ORC6: variants seen among roughly 807,000 people sequenced by gnomAD.
ORC6 encodes origin recognition complex subunit 6, also known as origin recognition complex, subunit 6 homolog-like (yeast).
A neutral mutation model predicts 30.0 loss-of-function variants in ORC6; 31 were observed. The observed-to-expected ratio is 1.03, with a 90% CI of 0.78 to 1.40. ORC6 has a LOEUF of 1.40. ORC6 is among the 40% of genes most tolerant of loss of function. The probability of loss-of-function intolerance (pLI) is 0.00; values close to 1 mark genes in which losing one functional copy is unlikely to be tolerated. For synonymous variants in ORC6, 136 were observed against 111.2 expected (o/e 1.22, Z -1.40); for missense variants, 340 against 304.3 (o/e 1.12, Z -0.87).
intron 4 of ORC6, 42 bp downstream of exon 4, chr16:46,693,224 A>G (rs1290272989): frequency 1.5e-6 from 2 of 1,336,288 alleles, no homozygotes; most frequent in Admixed American, 1.7e-5. Flanking sequence ...ACCAATTTAC[A>G]AGTGGGTTTT....
At chr16:46,695,827 A>T (rs2143011039) in intron 5 of ORC6, 153 bp downstream of exon 5, 1 of 752,748 alleles carries the variant, frequency 1.3e-6, no homozygotes, top group East Asian at 2.7e-5. Flanking sequence ...CTAACCTATG[A>T]TTCCATGAAT....
chr16:46,692,761 G>A (rs1317592125), intron 3 of ORC6, among the ~76,000 whole-genome samples: 17 of 152,136 alleles, frequency 1.1e-4, no homozygotes, highest in Non-Finnish European at 2.1e-4. Context: ...CCAGCTACTC[G>A]GGAGGCTGTG....
Position 46,693,084 on chromosome 16 carries a change from C to T in ORC6, c.360-9C>T, listed in dbSNP as rs1419926421. The T allele has an allele frequency of 1.9e-6, 3 of 1,567,718 alleles. No individual in the cohort carries two copies. Among genetic ancestry groups the T allele is most frequent in the Admixed American group, 1.7e-5 (1 of 59,964 alleles). On this transcript the variant is annotated splice_polypyrimidine_tract_variant and intron_variant, in intron 3 of 6. Transcript: ENST00000219097. Reference sequence around the variant, plus strand: ...CTAACAGATAATTCTGCAATAACTTCTCCTTTAGCTATGAGTCCAGTCTTC... The same window carrying T: ...CTAACAGATAATTCTGCAATAACTTTTCCTTTAGCTATGAGTCCAGTCTTC...
chr16:46,696,155 C>G, intron 6 of ORC6, 70 bp downstream of exon 6: 1 of 1,106,176 alleles, frequency 9.0e-7, no homozygotes, highest in Non-Finnish European at 1.4e-6. Context: ...GCTCTAGCAG[C>G]TTGCCTGACA....
In ORC6 at chr16:46,697,743, G is replaced by C; in HGVS notation, c.*158G>C. 1.3e-6 allele frequency: 1 copy of C among 794,176 alleles called. No homozygotes were observed. The highest frequency in any genetic ancestry group is 2.2e-6 in the Non-Finnish European group (1 of 464,798). The allele number at this position is 794,176 out of a possible 1,614,324, so 49.2% of individuals were successfully genotyped here. A position where few individuals can be genotyped will look rare whatever the true frequency, so the allele number is the denominator to read the frequency against. On this transcript the variant is annotated 3_prime_UTR_variant, in exon 7 of 7. Transcript: ENST00000219097. ...CAGCCTACCTGGAGGCTAAGTCTGG[G>C]CAGTGGGCTGGCCCCTGGTGTGAGC...
Position 46,692,551 on chromosome 16 carries a change from G to A in ORC6, c.359+6G>A, listed in dbSNP as rs751458368. 2 of 1,611,434 alleles carry A rather than the reference G, an allele frequency of 1.2e-6. No individual in the cohort carries two copies. The highest frequency in any genetic ancestry group is 1.7e-6 in the Non-Finnish European group (2 of 1,178,038). On this transcript the variant is annotated splice_donor_region_variant and intron_variant, in intron 3 of 6. Transcript: ENST00000219097. ...GCTTCAAAGATACTAAAAAGGTATG[G>A]GGCATAGAGAACCTTAATTGAAAAT... is the stretch of plus-strand genomic sequence containing the variant.
chr16:46,691,224 T>C (rs1039505284), intron 2 of ORC6, 104 bp downstream of exon 2: 2 of 1,040,214 alleles, frequency 1.9e-6, no homozygotes, highest in African/African-American at 3.2e-5. Flanking sequence ...TTTAGAATTG[T>C]CCTGGGTATT....
At chr16:46,697,318 CAAAAA>C in intron 6 of ORC6, 135 bp from the exon 7 acceptor site, 1 of 761,474 alleles carries the variant, frequency 1.3e-6, no homozygotes, top group Non-Finnish European at 2.1e-6. Flanking sequence ...GACCCCATCT[CAAAAA>C]AAAGTGATAA....
chr16:46,694,982 CTTCAA>C (rs1966503204), intron 4 of ORC6: 1 of 156,166 alleles, frequency 6.4e-6, no homozygotes, highest in Non-Finnish European at 1.4e-5. Flanking sequence ...GAAAACATCT[CTTCAA>C]TTCAACAAAA....
At chr16:46,689,803 T>G in intron 1 of ORC6, 33 bp downstream of exon 1, 3 of 1,560,718 alleles carry the variant, frequency 1.9e-6, no homozygotes, top group Non-Finnish European at 2.6e-6. Context: ...AGGGCTGGGC[T>G]TCCGCCTCGC....
intron 3 of ORC6, 64 bp downstream of exon 3, chr16:46,692,609 C>A (rs1200795495): frequency 4.3e-5 from 62 of 1,451,946 alleles, no homozygotes; most frequent in Non-Finnish European, 1.6e-5. Context: ...GTGGCTCACG[C>A]CTGTAATCCC....
chr16:46,692,201 A>G (rs1966453280), intron 2 of ORC6, among the ~76,000 whole-genome samples, 181 bp from the exon 3 acceptor site: 1 of 152,176 alleles, frequency 6.6e-6, no homozygotes, highest in African/African-American at 2.4e-5. Context: ...TGAAAGCAGT[A>G]CTTCCTCAGC....
In ORC6 at chr16:46,692,555, A is replaced by G; in HGVS notation, c.359+10A>G. 1 of 1,610,858 alleles carries G rather than the reference A, an allele frequency of 6.2e-7. No homozygotes were observed. On this transcript the variant is annotated intron_variant, in intron 3 of 6. Transcript: ENST00000219097. Reference sequence around the variant, plus strand: ...CAAAGATACTAAAAAGGTATGGGGCATAGAGAACCTTAATTGAAAATGTAT... The same window carrying G: ...CAAAGATACTAAAAAGGTATGGGGCGTAGAGAACCTTAATTGAAAATGTAT...
intron 4 of ORC6, chr16:46,695,318 A>T (rs889035397): frequency 1.6e-5 from 8 of 488,896 alleles, no homozygotes; most frequent in Non-Finnish European, 2.9e-5. Flanking sequence ...GTCATGAAGC[A>T]CTACAGCAAA....
At chr16:46,694,723 G>C (rs148684397) in intron 4 of ORC6, among the ~76,000 whole-genome samples, 53 of 151,404 alleles carry the variant, frequency 3.5e-4, no homozygotes, top group African/African-American at 1.1e-3. Context: ...ACATTTTAGT[G>C]ATAAATTATC....
chr16:46,690,217 C>G (rs1241173892), intron 1 of ORC6, among the ~76,000 whole-genome samples: 1 of 152,174 alleles, frequency 6.6e-6, no homozygotes, highest in African/African-American at 2.4e-5. Context: ...CACAAAGAAA[C>G]AAACAAAACT....
At chr16:46,691,794 T>C (rs2143010418) in intron 2 of ORC6, among the ~76,000 whole-genome samples, 1 of 152,326 alleles carries the variant, frequency 6.6e-6, no homozygotes, top group Non-Finnish European at 1.5e-5. Context: ...AATGCTCTTC[T>C]GGCAAACTCC....
chr16:46,697,020 G>A (rs866975572), intron 6 of ORC6, among the ~76,000 whole-genome samples: 1 of 152,272 alleles, frequency 6.6e-6, no homozygotes, highest in South Asian at 2.1e-4. Context: ...TATAAAATGT[G>A]ATTAATATTA....
At chr16:46,690,248 C>T (rs1269833038) in intron 1 of ORC6, among the ~76,000 whole-genome samples, 1 of 152,174 alleles carries the variant, frequency 6.6e-6, no homozygotes, top group Non-Finnish European at 1.5e-5. Context: ...GGCGCCGTTC[C>T]CGCTGAGGCC....
Sources: gnomAD v4.1 joint callset for allele counts (sites outside exome capture counted in the v4.1 genomes callset) on GRCh38, gnomAD v4.1.1 for gene constraint, MANE v1.5 for transcripts, NCBI Gene and HGNC (gene_info 2026-07-23, HGNC 2026-07-21) for gene names.